The following ZZEF1 variants were observed in gnomAD, a reference collection of about 807,000 sequenced individuals.
ZZEF1 encodes zinc finger ZZ-type and EF-hand domain containing 1, also known as zinc finger ZZ-type and EF-hand domain-containing protein 1.
ZZEF1 carries 157 observed loss-of-function variants against 342.8 expected under a neutral mutation model. The ratio of observed to expected loss-of-function variants is 0.46; its 90% CI spans 0.40 to 0.52. ZZEF1 has a LOEUF of 0.52. ZZEF1 is among the 20% of genes least tolerant of loss of function. ZZEF1 has a pLI of 0.00. For synonymous variants in ZZEF1, 1,505 were observed against 1,429.1 expected (o/e 1.05, Z -1.20); for missense variants, 3,480 against 3,725.6 (o/e 0.93, Z 1.72).
At position 4,117,081 on chromosome 17, in the gene ZZEF1, G is replaced by A. The variant is rs369781189; in HGVS notation, c.585C>T (p.Leu195=). The A allele has an allele frequency of 6.2e-7, 1 of 1,614,070 alleles. No homozygotes were observed. Among genetic ancestry groups the A allele is most frequent in the Non-Finnish European group, 8.5e-7 (1 of 1,180,042 alleles). Residue 195 remains leucine, a synonymous_variant, in exon 3 of 55, where the codon CTC becomes CTT. Transcript: ENST00000381638. ...MILRFLHRNR[L]SSAVMPYPML... ...TCGGGTAGGGCATCACCGCGCTGGA[G>A]AGCCGATTGCGGTGCAGGAAGCGCA...
At chr17:4,044,406 T>TC (rs1567789198) in intron 37 of ZZEF1, 32 bp from the exon 38 acceptor site, 1 of 1,581,690 alleles carries the variant, frequency 6.3e-7, no homozygotes, top group Middle Eastern at 1.7e-4. Context: ...AGAATTAAGG[T>TC]TTCTTATAAC....
chr17:4,103,156 C>A (rs1245370142), intron 8 of ZZEF1, among the ~76,000 whole-genome samples: 1 of 151,936 alleles, frequency 6.6e-6, no homozygotes, highest in African/African-American at 2.4e-5. Context: ...CCCCAACCAC[C>A]CAAGAAAATA....
intron 3 of ZZEF1, among the ~76,000 whole-genome samples, chr17:4,115,258 T>C (rs1033503886): frequency 6.6e-6 from 1 of 152,210 alleles, no homozygotes; most frequent in Non-Finnish European, 1.5e-5. Context: ...AACTCCTGGC[T>C]TCAAGCGATC....
At position 4,142,919 on chromosome 17, in the gene ZZEF1, G is replaced by A. The variant is rs1162548134; in HGVS notation, c.-24C>T. ...ATGGGGTCTCCGTCTTGGGCGCCTG[G>A]CTCTGCAGCCGCCGCCGCCGCCTCC... On this transcript the variant is annotated 5_prime_UTR_variant, in exon 1 of 55. Transcript: ENST00000381638. 4 of 1,304,142 alleles carry A rather than the reference G, an allele frequency of 3.1e-6. No homozygotes were observed. The highest frequency in any genetic ancestry group is 8.4e-5 in the Admixed American group (2 of 23,926). 80.8% of individuals were successfully genotyped at this position (1,304,142 alleles called of 1,614,324 possible). A position where few individuals can be genotyped will look rare whatever the true frequency, so the allele number is the denominator to read the frequency against.
chr17:4,033,339 T>A, intron 40 of ZZEF1: 1 of 203,766 alleles, frequency 4.9e-6, no homozygotes, highest in Non-Finnish European at 9.9e-6. Flanking sequence ...GTGACTTTTT[T>A]CCTTCTTTTA....
intron 52 of ZZEF1, among the ~76,000 whole-genome samples, chr17:4,010,505 G>C (rs573433969): frequency 8.0e-4 from 122 of 152,048 alleles, no homozygotes; most frequent in South Asian, 6.9e-3. Context: ...CGGATCACGA[G>C]GTCAGGAGTT....
chr17:4,090,206 G>T (rs1320528357), intron 12 of ZZEF1, among the ~76,000 whole-genome samples: 370 of 93,522 alleles, frequency 4.0e-3, no homozygotes, highest in African/African-American at 0.015. Context: ...CTCAGCCTGA[G>T]ACGCCCTCCT....
intron 1 of ZZEF1, among the ~76,000 whole-genome samples, chr17:4,126,063 A>G (rs1347002728): frequency 6.6e-6 from 1 of 151,902 alleles, no homozygotes; most frequent in Non-Finnish European, 1.5e-5. Context: ...CGTCTCTACT[A>G]AAAATACAAA....
chr17:4,053,343 G>A (rs1026722049), intron 34 of ZZEF1, among the ~76,000 whole-genome samples: 13 of 152,114 alleles, frequency 8.5e-5, no homozygotes, highest in African/African-American at 2.9e-4. Flanking sequence ...TCTGTCCCAG[G>A]GTTTGCTATG....
At chr17:4,067,945 G>A (rs1241629697) in intron 26 of ZZEF1, among the ~76,000 whole-genome samples, 1 of 152,068 alleles carries the variant, frequency 6.6e-6, no homozygotes, top group Non-Finnish European at 1.5e-5. Flanking sequence ...AGGCACACCG[G>A]CATGCACCTG....
chr17:4,096,991 GT>G (rs2058045401), intron 9 of ZZEF1, among the ~76,000 whole-genome samples: 1 of 152,126 alleles, frequency 6.6e-6, no homozygotes, highest in Non-Finnish European at 1.5e-5. Flanking sequence ...GCCGGGCACA[GT>G]GGCTCACGTC....
At chr17:4,077,578 G>C (rs568952192) in intron 19 of ZZEF1, among the ~76,000 whole-genome samples, 1 of 152,256 alleles carries the variant, frequency 6.6e-6, no homozygotes, top group Non-Finnish European at 1.5e-5. Context: ...AACAGGGATA[G>C]ACTCTCCTGA....
chr17:4,087,403 G>A, intron 14 of ZZEF1, 31 bp downstream of exon 14: 11 of 1,547,906 alleles, frequency 7.1e-6, no homozygotes, highest in Non-Finnish European at 9.7e-6. Context: ...CAGTTTATGT[G>A]CTTATCACCT....
At chr17:4,061,862 G>T (rs1273984937) in intron 30 of ZZEF1, among the ~76,000 whole-genome samples, 1 of 152,106 alleles carries the variant, frequency 6.6e-6, no homozygotes, top group Admixed American at 6.6e-5. Context: ...CTGGACTACT[G>T]CCACAGACTC....
chr17:4,048,740 G>C (rs1318487725), intron 37 of ZZEF1, among the ~76,000 whole-genome samples: 1 of 152,094 alleles, frequency 6.6e-6, no homozygotes, highest in East Asian at 1.9e-4. Flanking sequence ...TTTTGAGATG[G>C]AGTCTTGCTG....
intron 49 of ZZEF1, among the ~76,000 whole-genome samples, chr17:4,015,160 G>C (rs2056067513): frequency 6.6e-6 from 1 of 152,182 alleles, no homozygotes; most frequent in South Asian, 2.1e-4. Flanking sequence ...GCAGCAAAAG[G>C]AACCCCAGAG....
At chr17:4,024,268 G>T (rs2056352925) in intron 43 of ZZEF1, among the ~76,000 whole-genome samples, 1 of 140,522 alleles carries the variant, frequency 7.1e-6, no homozygotes. Flanking sequence ...CATGATCTAG[G>T]CTCACTACAA....
In ZZEF1 at chr17:4,074,338, T is replaced by A; in HGVS notation, c.3497A>T (p.Lys1166Met). Reference protein sequence around the residue: ...TDKWPKKVTFKAGPRLQFLFH... With the variant: ...TDKWPKKVTFMAGPRLQFLFH... ...GAGGAACTGCAACCGAGGACCGGCC[T>A]TGAAGGTCACTTTCTAGAGACAAAC... is the stretch of plus-strand genomic sequence containing the variant. The change falls in exon 24 of 55, where the codon AAG (lysine) becomes ATG (methionine). Residue 1166 changes from lysine to methionine, a missense_variant. Coordinates refer to ENST00000381638, the MANE Select transcript of ZZEF1 (RefSeq NM_015113.4). 1 of 1,614,172 alleles carries A rather than the reference T, an allele frequency of 6.2e-7. No homozygotes were observed. The highest frequency in any genetic ancestry group is 8.5e-7 in the Non-Finnish European group (1 of 1,180,034).
intron 26 of ZZEF1, among the ~76,000 whole-genome samples, chr17:4,069,592 A>G (rs1294476938): frequency 1.3e-5 from 2 of 152,222 alleles, no homozygotes; most frequent in Admixed American, 1.3e-4. Context: ...GCACTTTGGG[A>G]GGCTGAGGCA....
Sources: gnomAD v4.1 joint callset for allele counts (sites outside exome capture counted in the v4.1 genomes callset) on GRCh38, gnomAD v4.1.1 for gene constraint, MANE v1.5 for transcripts, NCBI Gene and HGNC (gene_info 2026-07-23, HGNC 2026-07-21) for gene names.